Variants in NPFFR1 observed in about 807,000 individuals in gnomAD.
NPFFR1 encodes the protein G-protein coupled receptor 147.
NPFFR1 carries 17 observed loss-of-function variants against 12.7 expected under a neutral mutation model. The observed-to-expected ratio is 1.34, with a 90% CI of 0.92 to 2.01. The LOEUF (loss-of-function observed/expected upper bound fraction) is 2.01. Ranked by LOEUF, NPFFR1 falls within the 30% of genes most tolerant of loss-of-function variation. The pLI, the probability that NPFFR1 is intolerant of heterozygous loss-of-function variation, is 0.00. For missense variants in NPFFR1, 604 were observed against 606.5 expected (o/e 1.00, Z 0.04); for synonymous variants, 296 against 264.5 (o/e 1.12, Z -1.16).
At position 70,254,969 on chromosome 10, in the gene NPFFR1, G is replaced by A; in HGVS notation, c.1281C>T (p.Ala427=). Residue 427 remains alanine, a synonymous_variant, in exon 4 of 4, where the codon GCC becomes GCT. Coordinates refer to ENST00000277942, the MANE Select transcript of NPFFR1 (RefSeq NM_022146.5). ...GCSHLPLTIP[A]WDI ...TCCCTGGACCCCCTCAGATATCCCA[G>A]GCTGGAATGGTGAGGGGCAGGTGGG... 7.0e-7 allele frequency: 1 copy of A among 1,433,880 alleles called. No homozygotes were observed. The highest frequency in any genetic ancestry group is 1.5e-5 in the South Asian group (1 of 65,508). 88.8% of individuals were successfully genotyped at this position (1,433,880 alleles called of 1,614,324 possible). A position where few individuals can be genotyped will look rare whatever the true frequency, so the allele number is the denominator to read the frequency against.
intron 1 of NPFFR1, among the ~76,000 whole-genome samples, chr10:70,273,914 C>T (rs1840774953): frequency 6.6e-6 from 1 of 152,116 alleles, no homozygotes; most frequent in Non-Finnish European, 1.5e-5. Context: ...TTCAGAATCC[C>T]AGGGTCAGAG....
At position 70,260,628 on chromosome 10, in the gene NPFFR1, GA is replaced by G. The variant is rs1246466992; in HGVS notation, c.422+11del. On this transcript the variant is annotated intron_variant, in intron 3 of 3. Coordinates refer to ENST00000277942, the MANE Select transcript of NPFFR1 (RefSeq NM_022146.5). ...GTTGGCTCAGGCATAATCCAGCCAG[GA>G]AACCTCTCACCTTTCCACAGCAATG... 3 of 1,601,052 alleles carry G rather than the reference GA, an allele frequency of 1.9e-6. No individual in the cohort carries two copies. In the Admixed American group the frequency reaches 5.2e-5, roughly 28 times the overall value.
intron 2 of NPFFR1, among the ~76,000 whole-genome samples, chr10:70,262,662 T>G (rs1840646167): frequency 6.6e-6 from 1 of 152,210 alleles, no homozygotes; most frequent in Non-Finnish European, 1.5e-5. Flanking sequence ...GAGGGTCAAG[T>G]TAAAATGAAT....
In NPFFR1 at chr10:70,274,403, C is replaced by T. The variant is rs187793970; in HGVS notation, c.8-8012G>A. Among the ~76,000 whole-genome samples, 1,188 of 151,954 alleles carry T rather than the reference C, an allele frequency of 7.8e-3. 3 individuals are homozygous for T. Among genetic ancestry groups the T allele is most frequent in the Non-Finnish European group, 0.013 (903 of 67,964 alleles). ...GGTGGAGGTTGCAATGAGCTGAGAT[C>T]GCACCACAGCACTCCAGCCTGGGCA... On this transcript the variant is annotated intron_variant, in intron 1 of 3. Transcript: ENST00000277942.
At chr10:70,269,483 A>G (rs1399880201) in intron 1 of NPFFR1, among the ~76,000 whole-genome samples, 1 of 150,676 alleles carries the variant, frequency 6.6e-6, no homozygotes, top group Non-Finnish European at 1.5e-5. Context: ...TTCAGCAGAC[A>G]CTAAGGATTA....
Position 70,271,411 on chromosome 10 carries a change from G to T in NPFFR1, c.8-5020C>A, listed in dbSNP as rs1156750563. Among the ~76,000 whole-genome samples the T allele has an allele frequency of 3.9e-5, 6 of 152,286 alleles. No homozygotes were observed. In the East Asian group the frequency reaches 5.8e-4, roughly 15 times the overall value. Reference sequence around the variant, plus strand: ...GCCTGTAGTCCCAGCTACTCTGGAGGTTGAGGTGGGAGGATCGCTTGAGCC... The same window carrying T: ...GCCTGTAGTCCCAGCTACTCTGGAGTTTGAGGTGGGAGGATCGCTTGAGCC... On this transcript the variant is annotated intron_variant, in intron 1 of 3. Transcript: ENST00000277942.
chr10:70,276,666 C>T (rs560845645), intron 1 of NPFFR1, among the ~76,000 whole-genome samples: 12 of 145,556 alleles, frequency 8.2e-5, no homozygotes, highest in African/African-American at 3.0e-4. Context: ...GGGTTCACTG[C>T]AACCTTCACC....
intron 1 of NPFFR1, among the ~76,000 whole-genome samples, chr10:70,275,867 G>A (rs559478892): frequency 8.5e-5 from 13 of 152,218 alleles, no homozygotes; most frequent in African/African-American, 2.6e-4. Flanking sequence ...TCATTTCACA[G>A]GAAAATCAAA....
intron 1 of NPFFR1, among the ~76,000 whole-genome samples, chr10:70,282,221 C>T (rs10999238): frequency 0.016 from 2,451 of 152,204 alleles, 61 homozygotes; most frequent in African/African-American, 0.056. Context: ...TCTCTATTTC[C>T]TCCTTATCCT....
At chr10:70,256,227 C>T (rs1011954878) in intron 3 of NPFFR1, among the ~76,000 whole-genome samples, 2 of 152,058 alleles carry the variant, frequency 1.3e-5, no homozygotes. Flanking sequence ...CACAGGAATG[C>T]GCTGCCACCT....
At position 70,266,363 on chromosome 10, in the gene NPFFR1, A is replaced by G; in HGVS notation, c.36T>C (p.Ser12=). Residue 12 remains serine, a synonymous_variant, in exon 2 of 4, where the codon AGT becomes AGC. Transcript: ENST00000277942. Reference sequence around the variant, plus strand: ...TAGTCCCATTCTGACTTAGGGGCCAACTGCTGTTGGGAGGCTGGGAGGGCT... The same window carrying G: ...TAGTCCCATTCTGACTTAGGGGCCAGCTGCTGTTGGGAGGCTGGGAGGGCT... ...EGEPSQPPNS[S]WPLSQNGTNT... 6.2e-7 allele frequency: 1 copy of G among 1,613,520 alleles called. No individual in the cohort carries two copies.
At position 70,276,523 on chromosome 10, in the gene NPFFR1, CGA is replaced by C. The variant is rs1840806024; in HGVS notation, c.7+7145_7+7146del. Among the ~76,000 whole-genome samples the C allele has an allele frequency of 2.0e-5, 3 of 150,368 alleles. No homozygotes were observed. The South Asian group carries it at 6.3e-4, about 32-fold the overall frequency. ...CTAATAATGCAATTTCAGTTATTAA[CGA>C]GAGAGCTACAAAAAGCTTTTGAGCA... On this transcript the variant is annotated intron_variant, in intron 1 of 3. Coordinates refer to ENST00000277942, the MANE Select transcript of NPFFR1 (RefSeq NM_022146.5).
intron 3 of NPFFR1, among the ~76,000 whole-genome samples, chr10:70,258,863 C>T (rs1052925684): frequency 9.2e-5 from 14 of 152,190 alleles, no homozygotes; most frequent in Non-Finnish European, 2.9e-5. Flanking sequence ...GTCCTTTCCA[C>T]TTCGCTACAC....
In NPFFR1 at chr10:70,255,589, A is replaced by G. The variant is rs1024357186; in HGVS notation, c.661T>C (p.Phe221Leu). ...GMRRVYTTVL[F>L]SHIYLAPLAL... Reference sequence around the variant, plus strand: ...AGCGGCGCCAGGTAGATGTGCGAGAAGAGCACAGTGGTGTAGACCCTGCGC... The same window carrying G: ...AGCGGCGCCAGGTAGATGTGCGAGAGGAGCACAGTGGTGTAGACCCTGCGC... Residue 221 changes from phenylalanine (F) to leucine (L), a missense_variant, in exon 4 of 4, where the codon TTC (phenylalanine) becomes CTC (leucine). By Grantham distance (22) the Phe-to-Leu change is conservative. Coordinates refer to ENST00000277942, the MANE Select transcript of NPFFR1 (RefSeq NM_022146.5). The surrounding 1 kb of genome is among the most constrained non-coding windows in gnomAD (Gnocchi z 4.2). The G allele has an allele frequency of 1.3e-6, 2 of 1,554,464 alleles. No homozygotes were observed. The highest frequency in any genetic ancestry group is 1.7e-6 in the Non-Finnish European group (2 of 1,149,116).
chr10:70,273,573 G>A (rs1255668197), intron 1 of NPFFR1, among the ~76,000 whole-genome samples: 1 of 152,146 alleles, frequency 6.6e-6, no homozygotes, highest in Non-Finnish European at 1.5e-5. Context: ...CTGCATCCAT[G>A]AGCCCTTCTT....
At chr10:70,267,026 T>A (rs779157651) in intron 1 of NPFFR1, among the ~76,000 whole-genome samples, 20 of 152,228 alleles carry the variant, frequency 1.3e-4, no homozygotes, top group African/African-American at 4.8e-4. Flanking sequence ...CTGGTTCTCT[T>A]AACCCTCTCT....
At position 70,254,744 on chromosome 10, in the gene NPFFR1, C is replaced by G; in HGVS notation, c.*213G>C. ...GATGATGTTTGTCAAGCCCACCACA[C>G]AGGGCAAGTTGGTTCCTTCCCGTCC... On this transcript the variant is annotated 3_prime_UTR_variant, in exon 4 of 4. Transcript: ENST00000277942. 2.2e-6 allele frequency: 1 copy of G among 452,614 alleles called. No individual in the cohort carries two copies. The highest frequency in any genetic ancestry group is 3.7e-6 in the Non-Finnish European group (1 of 271,772). The allele number at this position is 452,614 out of a possible 1,614,324, so 28.0% of individuals were successfully genotyped here. A position where few individuals can be genotyped will look rare whatever the true frequency, so the allele number is the denominator to read the frequency against.
chr10:70,268,569 C>T (rs1564595908), intron 1 of NPFFR1, among the ~76,000 whole-genome samples: 1 of 152,162 alleles, frequency 6.6e-6, no homozygotes, highest in African/African-American at 2.4e-5. Context: ...GCTGGCTCAG[C>T]TGGGGCTGGG....
intron 1 of NPFFR1, among the ~76,000 whole-genome samples, chr10:70,268,777 C>A (rs1019509851): frequency 6.6e-6 from 1 of 152,216 alleles, no homozygotes; most frequent in Admixed American, 6.5e-5. Context: ...CACATCACGT[C>A]TGTCACATTT....
Sources: gnomAD v4.1 joint callset for allele counts (sites outside exome capture counted in the v4.1 genomes callset) on GRCh38, gnomAD v4.1.1 for gene constraint, Gnocchi (gnomAD v3.1) non-coding constraint, MANE v1.5 for transcripts, NCBI Gene and HGNC (gene_info 2026-07-23, HGNC 2026-07-21) for gene names.